Variants in AGL observed in about 807,000 individuals in gnomAD.
AGL encodes glycogen debranching enzyme.
A neutral mutation model predicts 199.3 loss-of-function variants in AGL; 128 were observed. The ratio of observed to expected loss-of-function variants is 0.64; its 90% CI spans 0.56 to 0.74. The LOEUF (loss-of-function observed/expected upper bound fraction) is 0.74. Ranked by LOEUF, AGL falls within the 30% of genes least tolerant of loss-of-function variation. The pLI, the probability that AGL is intolerant of heterozygous loss-of-function variation, is 0.00. For missense variants in AGL, 1,809 were observed against 1,820.8 expected (o/e 0.99, Z 0.12); for synonymous variants, 584 against 594.7 (o/e 0.98, Z 0.26).
intron 2 of AGL, among the ~76,000 whole-genome samples, chr1:99,857,540 G>A: frequency 6.6e-6 from 1 of 152,032 alleles, no homozygotes; most frequent in Non-Finnish European, 1.5e-5. Flanking sequence ...CTGAGTGAAT[G>A]AGACTCCGTC....
chr1:99,887,136 A>G (rs1317101054), intron 20 of AGL, among the ~76,000 whole-genome samples: 1 of 152,240 alleles, frequency 6.6e-6, no homozygotes, highest in Admixed American at 6.5e-5. Context: ...GATTTTCTAA[A>G]TTGAGCCAGA....
At chr1:99,857,094 C>A (rs1253410501) in intron 2 of AGL, among the ~76,000 whole-genome samples, 1 of 149,650 alleles carries the variant, frequency 6.7e-6, no homozygotes, top group African/African-American at 2.5e-5. Flanking sequence ...CCCTCCCGGA[C>A]GGGGCGGCTG....
chr1:99,849,907 G>T (rs576907628), upstream of AGL, among the ~76,000 whole-genome samples: 338 of 152,322 alleles, frequency 2.2e-3, 3 homozygotes, highest in African/African-American at 7.2e-3. Flanking sequence ...CTGTGAGCTC[G>T]CAGGCTGTTA....
Position 99,856,138 on chromosome 1 carries a change from A to G in AGL, c.82+5014A>G, listed in dbSNP as rs114393922. 3.9e-3 allele frequency among the ~76,000 whole-genome samples: 593 copies of G among 152,340 alleles called. 8 individuals are homozygous for G. The highest frequency in any genetic ancestry group is 0.014 in the African/African-American group (563 of 41,584). On this transcript the variant is annotated intron_variant, in intron 2 of 33. Coordinates refer to ENST00000361915, the MANE Select transcript of AGL (RefSeq NM_000642.3). ...TCAGCTAATTTTAGCAAACTGAGTC[A>G]TGGAATCTGACCTACTGTAGGCTCT... is the stretch of plus-strand genomic sequence containing the variant.
At chr1:99,913,415 A>G (rs776373438) in intron 29 of AGL, 112 bp from the exon 30 acceptor site, 8 of 913,114 alleles carry the variant, frequency 8.8e-6, no homozygotes, top group African/African-American at 1.7e-5. Flanking sequence ...AAAGTGGATA[A>G]TTTATTGCCT....
In AGL at chr1:99,915,480, A is replaced by C; in HGVS notation, c.4253A>C (p.Asp1418Ala). Residue 1418 changes from aspartate (D) to alanine (A), a missense_variant, in exon 31 of 34, where the codon GAT (aspartate) becomes GCT (alanine). Coordinates refer to ENST00000361915, the MANE Select transcript of AGL (RefSeq NM_000642.3). ...GGTCCCCTTGGCATGAAAACTTTAG[A>C]TCCAGAGTAAGTTGGAATATAAGTA... Reference protein sequence around the residue: ...LLGPLGMKTLDPDDMVYCGIY... With the variant: ...LLGPLGMKTLAPDDMVYCGIY... The C allele has an allele frequency of 6.2e-7, 1 of 1,603,700 alleles. No homozygotes were observed. Among genetic ancestry groups the C allele is most frequent in the Non-Finnish European group, 8.5e-7 (1 of 1,170,652 alleles).
In AGL at chr1:99,884,158, G is replaced by A. The variant is rs769386639; in HGVS notation, c.2347G>A (p.Glu783Lys). The A allele has an allele frequency of 6.3e-5, 101 of 1,612,640 alleles. No homozygotes were observed. The highest frequency in any genetic ancestry group is 8.4e-5 in the Non-Finnish European group (99 of 1,179,030). Residue 783 changes from glutamate to lysine, a missense_variant, in exon 18 of 34, where the codon GAG becomes AAG. Transcript: ENST00000361915. ...EEVVLEARTI[E>K]RNTKPYRKDE... ...AGTAGTTCTTGAAGCTAGAACTATT[G>A]AGAGAAACACGAAACCTTATAGGAA...
intron 25 of AGL, among the ~76,000 whole-genome samples, chr1:99,899,530 TTCTCTCTCTCTTTCTC>T (rs1287411834): frequency 2.7e-5 from 4 of 146,858 alleles, no homozygotes; most frequent in Non-Finnish European, 6.0e-5. Context: ...CTCTCTCTCT[TTCTCTCTCTCTTTCTC>T]TCTCTCTCTC....
At chr1:99,907,702 G>GTTTTTTTTTTTTTTTTTTT (rs1654421426) in intron 27 of AGL, among the ~76,000 whole-genome samples, 1 of 42,794 alleles carries the variant, frequency 2.3e-5, no homozygotes, top group African/African-American at 8.1e-5. Flanking sequence ...TGTTTTTTTT[G>GTTTTTTTTTTTTTTTTTTT]CTAGTAGCCA....
In AGL at chr1:99,891,382, A is replaced by C. The variant is rs1356754920; in HGVS notation, c.2949+26A>C. On this transcript the variant is annotated intron_variant, in intron 22 of 33. Coordinates refer to ENST00000361915, the MANE Select transcript of AGL (RefSeq NM_000642.3). ...GTAAGTAGAGCTATATTATCGTCCC[A>C]AAAAATCAAGGACATAATAATAAAT... 4.3e-6 allele frequency: 7 copies of C among 1,612,344 alleles called. No individual in the cohort carries two copies. The East Asian group carries it at 1.3e-4, about 31-fold the overall frequency.
At chr1:99,873,645 G>A (rs1279816664) in intron 7 of AGL, among the ~76,000 whole-genome samples, 3 of 152,086 alleles carry the variant, frequency 2.0e-5, no homozygotes, top group Non-Finnish European at 2.9e-5. Context: ...TGTTGGTCAG[G>A]CTGGTCTCGA....
intron 33 of AGL, among the ~76,000 whole-genome samples, chr1:99,918,713 C>A (rs1215268299): frequency 6.6e-6 from 1 of 152,056 alleles, no homozygotes; most frequent in African/African-American, 2.4e-5. Flanking sequence ...TGTTTTTGAG[C>A]TTTGTTTTGG....
intron 9 of AGL, 35 bp from the exon 10 acceptor site, chr1:99,875,323 A>G: frequency 6.2e-7 from 1 of 1,612,942 alleles, no homozygotes; most frequent in Non-Finnish European, 8.5e-7. Flanking sequence ...TGTCTTGAGG[A>G]TGGTGATGAT....
At chr1:99,909,889 G>T (rs1654609911) in intron 27 of AGL, among the ~76,000 whole-genome samples, 1 of 152,096 alleles carries the variant, frequency 6.6e-6, no homozygotes, top group Non-Finnish European at 1.5e-5. Context: ...GTTTGAGTAT[G>T]TGTAAATTAC....
intron 33 of AGL, among the ~76,000 whole-genome samples, chr1:99,917,875 C>G (rs969101044): frequency 6.6e-6 from 1 of 152,072 alleles, no homozygotes; most frequent in Non-Finnish European, 1.5e-5. Flanking sequence ...CCTGTTATTA[C>G]CCCCCACACT....
rs1571244173 is a variant in AGL at position 99,870,932 on chromosome 1, ACT to A, written c.958+68_958+69del. ...AGAAATGTAATATTATAAAGGGAAA[ACT>A]CTCTTTTGGGTAACGTCATTATTAA... On this transcript the variant is annotated intron_variant, in intron 7 of 33. Coordinates refer to ENST00000361915, the MANE Select transcript of AGL (RefSeq NM_000642.3). 18 of 1,034,232 alleles carry A rather than the reference ACT, an allele frequency of 1.7e-5. No homozygotes were observed. In the East Asian group the frequency reaches 2.7e-4, roughly 16 times the overall value. 64.1% of individuals were successfully genotyped at this position (1,034,232 alleles called of 1,614,324 possible). A position where few individuals can be genotyped will look rare whatever the true frequency, so the allele number is the denominator to read the frequency against.
intron 11 of AGL, among the ~76,000 whole-genome samples, chr1:99,877,013 A>T (rs1410849417): frequency 6.6e-6 from 1 of 152,190 alleles, no homozygotes; most frequent in East Asian, 1.9e-4. Flanking sequence ...CCAGAACCTA[A>T]TGGTTTTAGG....
intron 9 of AGL, 35 bp from the exon 10 acceptor site, chr1:99,875,323 A>T (rs958171922): frequency 1.2e-6 from 2 of 1,612,942 alleles, no homozygotes; most frequent in South Asian, 1.1e-5. Context: ...TGTCTTGAGG[A>T]TGGTGATGAT....
intron 21 of AGL, 56 bp downstream of exon 21, chr1:99,888,164 G>A (rs1280350936): frequency 1.9e-6 from 3 of 1,602,068 alleles, no homozygotes; most frequent in Admixed American, 1.7e-5. Flanking sequence ...GTCATCTGGT[G>A]TCTTCTTTAC....
Sources: gnomAD v4.1 joint callset for allele counts (sites outside exome capture counted in the v4.1 genomes callset) on GRCh38, gnomAD v4.1.1 for gene constraint, MANE v1.5 for transcripts, NCBI Gene and HGNC (gene_info 2026-07-23, HGNC 2026-07-21) for gene names.